The following KCNAB1 variants were observed in gnomAD, a reference collection of about 807,000 sequenced individuals.
KCNAB1 encodes voltage-gated potassium channel subunit beta-1.
A neutral mutation model predicts 64.6 loss-of-function variants in KCNAB1; 35 were observed. The observed-to-expected ratio is 0.54, with a 90% CI of 0.41 to 0.72. The LOEUF (loss-of-function observed/expected upper bound fraction) is 0.72, where lower values mean the gene tolerates loss of function less well. Ranked by LOEUF, KCNAB1 falls within the 30% of genes least tolerant of loss-of-function variation. The probability of loss-of-function intolerance (pLI) is 0.00; values close to 1 mark genes in which losing one functional copy is unlikely to be tolerated. For missense variants in KCNAB1, 401 were observed against 512.9 expected, an observed-to-expected ratio of 0.78 and a Z score of 2.11; for synonymous variants, 177 against 183.8, an observed-to-expected ratio of 0.96 and a Z score of 0.30.
At chr3:156,384,927 A>AT (rs1275080301) in intron 1 of KCNAB1, among the ~76,000 whole-genome samples, 5 of 152,066 alleles carry the variant, frequency 3.3e-5, no homozygotes, top group African/African-American at 9.7e-5. Context: ...AATGAATATC[A>AT]TTTTTTCTAC....
At chr3:156,224,817 A>AT (rs1445576652) in intron 1 of KCNAB1, among the ~76,000 whole-genome samples, 1 of 152,234 alleles carries the variant, frequency 6.6e-6, no homozygotes, top group East Asian at 1.9e-4. Context: ...AAACTAGAAA[A>AT]CCTAGAGGAG....
chr3:156,524,541 A>G (rs1386449828), intron 12 of KCNAB1, among the ~76,000 whole-genome samples: 1 of 151,962 alleles, frequency 6.6e-6, no homozygotes. Context: ...AGGTCAGGAG[A>G]TCGAGACCAT....
chr3:156,283,317 G>T lies in KCNAB1; in HGVS notation c.276-138299G>T, dbSNP rs1719863824. Among the ~76,000 whole-genome samples, 3 of 151,500 alleles carry T rather than the reference G, an allele frequency of 2.0e-5. No individual in the cohort carries two copies. In the South Asian group the frequency reaches 6.3e-4, roughly 32 times the overall value. On this transcript the variant is annotated intron_variant, in intron 1 of 13. Coordinates refer to ENST00000490337, the MANE Select transcript of KCNAB1 (RefSeq NM_172160.3). The stretch of plus-strand genomic sequence containing the variant: ...CCCCCACTCTCTTCTGGCTTGTAGG[G>T]TTTCTGCTGAGAGATCTGCTGTTAG...
chr3:156,250,921 G>A (rs1053517048), intron 1 of KCNAB1, among the ~76,000 whole-genome samples: 28 of 152,218 alleles, frequency 1.8e-4, no homozygotes, highest in Non-Finnish European at 2.9e-5. Flanking sequence ...ATGAATGTGG[G>A]AGGGAGCATT....
chr3:156,181,000 CT>C (rs1396144391), intron 1 of KCNAB1, among the ~76,000 whole-genome samples: 3 of 152,176 alleles, frequency 2.0e-5, no homozygotes, highest in African/African-American at 7.2e-5. Flanking sequence ...GGCCTCTCTC[CT>C]TGGCTTACAG....
chr3:156,460,722 C>T (rs1167251500), intron 5 of KCNAB1, among the ~76,000 whole-genome samples: 2 of 152,206 alleles, frequency 1.3e-5, no homozygotes, highest in Non-Finnish European at 2.9e-5. Flanking sequence ...CATGCTTCAA[C>T]ACTTAGCATG....
At chr3:156,240,167 G>T (rs1016256336) in intron 1 of KCNAB1, among the ~76,000 whole-genome samples, 12 of 152,280 alleles carry the variant, frequency 7.9e-5, no homozygotes, top group Admixed American at 4.6e-4. Context: ...AAGCCTTGGG[G>T]TTAAGGAGTT....
chr3:156,200,670 T>G (rs1203611657), intron 1 of KCNAB1, among the ~76,000 whole-genome samples: 1 of 152,068 alleles, frequency 6.6e-6, no homozygotes, highest in East Asian at 1.9e-4. Flanking sequence ...CTCACCAAGC[T>G]CGATCATCCC....
rs775308598 is a variant in KCNAB1, at chr3:156,392,792, G to C, written c.276-28824G>C. Among the ~76,000 whole-genome samples, 3 of 152,074 alleles carry C rather than the reference G, an allele frequency of 2.0e-5. 1 individual carries two copies. The highest frequency in any genetic ancestry group is 6.3e-3 in the Middle Eastern group (2 of 316). On this transcript the variant is annotated intron_variant, in intron 1 of 13. Transcript: ENST00000490337. ...TTATCTAACTTTAAACCATCCTTACGTTCCTGATGTAAATCCAACTGGGTT... is the reference window on the plus strand; with the variant it reads ...TTATCTAACTTTAAACCATCCTTACCTTCCTGATGTAAATCCAACTGGGTT...
intron 1 of KCNAB1, among the ~76,000 whole-genome samples, chr3:156,239,007 C>T (rs973267687): frequency 5.9e-5 from 9 of 152,100 alleles, no homozygotes; most frequent in Non-Finnish European, 1.3e-4. Flanking sequence ...AAGAGCAGAT[C>T]GTTACCTTTA....
intron 2 of KCNAB1, among the ~76,000 whole-genome samples, chr3:156,428,943 T>G (rs1244617884): frequency 6.6e-6 from 1 of 152,238 alleles, no homozygotes; most frequent in African/African-American, 2.4e-5. Flanking sequence ...TGTGTCCTTT[T>G]AGGCAGCTGC....
At chr3:156,397,859 C>T (rs1415804793) in intron 1 of KCNAB1, among the ~76,000 whole-genome samples, 2 of 152,124 alleles carry the variant, frequency 1.3e-5, no homozygotes, top group Non-Finnish European at 2.9e-5. Context: ...TGATTGTTTA[C>T]ATAAATATAT....
At chr3:156,485,565 A>G (rs557771205) in intron 8 of KCNAB1, among the ~76,000 whole-genome samples, 2 of 151,856 alleles carry the variant, frequency 1.3e-5, no homozygotes, top group South Asian at 2.1e-4. Flanking sequence ...CCTGCAGTAC[A>G]TTTAATTGTC....
rs202044533 is a variant in KCNAB1 at position 156,346,796 on chromosome 3, AT to A, written c.276-74812del. On this transcript the variant is annotated intron_variant, in intron 1 of 13. Coordinates refer to ENST00000490337, the MANE Select transcript of KCNAB1 (RefSeq NM_172160.3). Reference sequence around the variant, plus strand: ...CCAGAAGTTGATTAATTTTATGGAAATTTTTTTTCCATTATAGCCTTTGTAT... The same window carrying A: ...CCAGAAGTTGATTAATTTTATGGAAATTTTTTTCCATTATAGCCTTTGTAT... 8.7e-3 allele frequency among the ~76,000 whole-genome samples: 1,322 copies of A among 152,168 alleles called. 5 individuals are homozygous for A. Among genetic ancestry groups the A allele is most frequent in the Non-Finnish European group, 0.014 (950 of 68,004 alleles).
intron 11 of KCNAB1, among the ~76,000 whole-genome samples, chr3:156,519,498 T>G (rs894958231): frequency 1.3e-5 from 2 of 152,244 alleles, no homozygotes; most frequent in African/African-American, 4.8e-5. Context: ...CTATGAAGAC[T>G]GTCATAACTT....
chr3:156,394,751 G>T (rs1473121858), intron 1 of KCNAB1, among the ~76,000 whole-genome samples: 2 of 152,152 alleles, frequency 1.3e-5, no homozygotes, highest in African/African-American at 2.4e-5. Flanking sequence ...TTAATTTCCA[G>T]TCTTTGCATA....
chr3:156,516,095 A>AGGCCGGGCGCG (rs1559925625), intron 10 of KCNAB1, among the ~76,000 whole-genome samples, 175 bp from the exon 11 acceptor site: 36 of 152,218 alleles, frequency 2.4e-4, no homozygotes, highest in African/African-American at 8.2e-4. Context: ...AATGAAACAC[A>AGGCCGGGCGCG]ATTTGTAAGC....
At chr3:156,388,295 C>G (rs1196465298) in intron 1 of KCNAB1, among the ~76,000 whole-genome samples, 1 of 152,130 alleles carries the variant, frequency 6.6e-6, no homozygotes, top group Non-Finnish European at 1.5e-5. Context: ...AAACAGGAAC[C>G]AGGATTGAAA....
chr3:156,430,899 G>T (rs1716164615), intron 2 of KCNAB1, among the ~76,000 whole-genome samples: 1 of 152,190 alleles, frequency 6.6e-6, no homozygotes, highest in Admixed American at 6.5e-5. Flanking sequence ...TGGCAGCTTG[G>T]TGAAAATGTC....
Sources: allele counts gnomAD v4.1 joint callset (sites outside exome capture counted in the v4.1 genomes callset), GRCh38; gene constraint gnomAD v4.1.1; transcripts MANE v1.5; gene names NCBI Gene and HGNC (gene_info 2026-07-23, HGNC 2026-07-21).